Variants in CDK14 observed in about 807,000 individuals in gnomAD.
CDK14 encodes the protein cyclin dependent kinase 14.
A neutral mutation model predicts 60.7 loss-of-function variants in CDK14; 34 were observed. The observed-to-expected ratio is 0.56, with a 90% CI of 0.43 to 0.75. The LOEUF (loss-of-function observed/expected upper bound fraction) is 0.75, where lower values mean the gene tolerates loss of function less well. Ranked by LOEUF, CDK14 falls within the 30% of genes least tolerant of loss-of-function variation. The pLI is 0.00. For synonymous variants in CDK14, 197 were observed against 203.7 expected (o/e 0.97, Z 0.28); for missense variants, 482 against 564.1 (o/e 0.85, Z 1.47).
intron 4 of CDK14, among the ~76,000 whole-genome samples, chr7:90,781,091 C>G (rs931670928): frequency 3.3e-5 from 5 of 152,118 alleles, no homozygotes; most frequent in African/African-American, 9.7e-5. Context: ...TAATGATCGC[C>G]ATTCTAACTG....
At chr7:91,057,585 A>G (rs1406117722) in intron 11 of CDK14, among the ~76,000 whole-genome samples, 1 of 152,212 alleles carries the variant, frequency 6.6e-6, no homozygotes, top group Non-Finnish European at 1.5e-5. Flanking sequence ...TTTTTGTATA[A>G]GGTATAAGGA....
chr7:90,600,180 A>G (rs1006991434), intron 1 of CDK14, among the ~76,000 whole-genome samples: 3 of 152,228 alleles, frequency 2.0e-5, no homozygotes, highest in Non-Finnish European at 4.4e-5. Context: ...TTTCTACTAA[A>G]TAGTGTCAGC....
intron 7 of CDK14, among the ~76,000 whole-genome samples, chr7:90,908,684 G>A (rs1792793003): frequency 6.6e-6 from 1 of 152,122 alleles, no homozygotes; most frequent in Admixed American, 6.6e-5. Context: ...TATTGTCTTG[G>A]ATAGGCACAG....
chr7:91,095,839 A>T (rs1798967542), intron 12 of CDK14, among the ~76,000 whole-genome samples: 2 of 152,080 alleles, frequency 1.3e-5, no homozygotes, highest in African/African-American at 4.8e-5. Context: ...ATTTTGGGTG[A>T]TTATTTTTCT....
chr7:91,000,272 C>G (rs1376935029), intron 10 of CDK14, among the ~76,000 whole-genome samples: 2 of 152,172 alleles, frequency 1.3e-5, no homozygotes, highest in African/African-American at 4.8e-5. Flanking sequence ...GTTCAAAACC[C>G]TATACTTAAG....
intron 10 of CDK14, among the ~76,000 whole-genome samples, chr7:91,015,504 A>G (rs1796274258): frequency 6.8e-6 from 1 of 147,772 alleles, no homozygotes; most frequent in Non-Finnish European, 1.5e-5. Context: ...TCCCTACCCC[A>G]GCAGAGTATG....
At chr7:90,980,428 C>T (rs1795199836) in intron 9 of CDK14, among the ~76,000 whole-genome samples, 1 of 151,894 alleles carries the variant, frequency 6.6e-6, no homozygotes, top group South Asian at 2.1e-4. Flanking sequence ...TTTTTTTTCT[C>T]AGTAAACCAT....
intron 6 of CDK14, among the ~76,000 whole-genome samples, chr7:90,867,215 G>A (rs1197611646): frequency 2.0e-5 from 3 of 152,126 alleles, no homozygotes; most frequent in Admixed American, 2.0e-4. Flanking sequence ...TATTATAGCT[G>A]TCTTTTTTCC....
intron 14 of CDK14, among the ~76,000 whole-genome samples, chr7:91,143,914 G>C (rs538659586): frequency 6.6e-6 from 1 of 152,306 alleles, no homozygotes; most frequent in South Asian, 2.1e-4. Context: ...TTACAGCTAT[G>C]AAGTGGTAGA....
chr7:90,837,749 G>C (rs1249508213), intron 5 of CDK14, among the ~76,000 whole-genome samples: 2 of 152,068 alleles, frequency 1.3e-5, no homozygotes, highest in Non-Finnish European at 2.9e-5. Flanking sequence ...GACTTGACCT[G>C]GTCAGGGGAA....
intron 11 of CDK14, among the ~76,000 whole-genome samples, chr7:91,059,851 T>C (rs1350217174): frequency 2.0e-5 from 3 of 152,338 alleles, no homozygotes; most frequent in African/African-American, 7.2e-5. Context: ...GGAATAGGTG[T>C]GGTGTGGTGC....
chr7:90,632,439 G>A (rs951808361), intron 2 of CDK14: 3 of 217,318 alleles, frequency 1.4e-5, no homozygotes, highest in South Asian at 8.3e-5. Context: ...TGGGTGTGGC[G>A]CTGCAAGATG....
chr7:91,092,675 A>T (rs1798865904), intron 12 of CDK14, among the ~76,000 whole-genome samples: 4 of 152,336 alleles, frequency 2.6e-5, no homozygotes, highest in African/African-American at 4.8e-5. Context: ...TGATAATAGC[A>T]TTTCAGTCAA....
intron 5 of CDK14, among the ~76,000 whole-genome samples, chr7:90,835,532 T>G (rs150860228): frequency 1.3e-5 from 2 of 152,126 alleles, no homozygotes; most frequent in Admixed American, 1.3e-4. Context: ...TGCAAGACAA[T>G]GATAGTGAAA....
chr7:90,722,015 T>G (rs1271250886), intron 2 of CDK14, among the ~76,000 whole-genome samples: 1 of 152,114 alleles, frequency 6.6e-6, no homozygotes, highest in Non-Finnish European at 1.5e-5. Context: ...GAGCCCTCTT[T>G]CATTGCTAAG....
At chr7:90,638,976 G>T (rs112535577) in intron 2 of CDK14, among the ~76,000 whole-genome samples, 1 of 152,014 alleles carries the variant, frequency 6.6e-6, no homozygotes, top group Non-Finnish European at 1.5e-5. Flanking sequence ...TGGCTTTCAG[G>T]TCCATCAGCT....
intron 14 of CDK14, among the ~76,000 whole-genome samples, chr7:91,121,034 G>A (rs560742856): frequency 1.2e-4 from 19 of 152,154 alleles, no homozygotes; most frequent in Non-Finnish European, 2.4e-4. Context: ...AAATAAATGG[G>A]ACCATCTTCG....
At chr7:91,102,216 A>G (rs1440054063) in intron 12 of CDK14, among the ~76,000 whole-genome samples, 6 of 152,146 alleles carry the variant, frequency 3.9e-5, no homozygotes. Context: ...TGCATAAAGT[A>G]TGAGTATAGA....
chr7:90,933,487 C>T (rs1042893131), intron 8 of CDK14, among the ~76,000 whole-genome samples: 1 of 152,084 alleles, frequency 6.6e-6, no homozygotes, highest in African/African-American at 2.4e-5. Flanking sequence ...GTCTCCTTTT[C>T]TATATAACAG....
Sources: allele counts gnomAD v4.1 joint callset (sites outside exome capture counted in the v4.1 genomes callset), GRCh38; gene constraint gnomAD v4.1.1; transcripts MANE v1.5; gene names NCBI Gene and HGNC (gene_info 2026-07-23, HGNC 2026-07-21).